Variants in DMRT1 observed in about 807,000 individuals in gnomAD.
DMRT1 encodes the protein doublesex and mab-3 related transcription factor 1, also known as doublesex- and mab-3-related transcription factor 1.
A neutral mutation model predicts 32.3 loss-of-function variants in DMRT1; 7 were observed. The ratio of observed to expected loss-of-function variants is 0.22; its 90% CI spans 0.12 to 0.41. The LOEUF (loss-of-function observed/expected upper bound fraction) is 0.41. DMRT1 is among the 10% of genes least tolerant of loss of function. The probability of loss-of-function intolerance (pLI) is 1.00; values close to 1 mark genes in which losing one functional copy is unlikely to be tolerated. For missense variants in DMRT1, 625 were observed against 500.5 expected (o/e 1.25, Z -2.37); for synonymous variants, 278 against 206.1 (o/e 1.35, Z -2.99).
chr9:968,130 G>GT lies in DMRT1; in HGVS notation c.1113_1114insT (p.Asp372Ter). 1 of 1,609,310 alleles carries GT rather than the reference G, an allele frequency of 6.2e-7. No individual in the cohort carries two copies. Among genetic ancestry groups the GT allele is most frequent in the Non-Finnish European group, 8.5e-7 (1 of 1,179,790 alleles). ...TCACAGTCACTCCCGTCATCGAGGA[G>GT]GACGAGTGAGCAGTGCCTGCTGCCG... On this transcript the variant is annotated frameshift_variant, in exon 5 of 5. Coordinates refer to ENST00000382276, the MANE Select transcript of DMRT1 (RefSeq NM_021951.3). LOFTEE classifies it high-confidence loss of function.
intron 2 of DMRT1, among the ~76,000 whole-genome samples, chr9:892,067 C>G (rs1817173060): frequency 6.6e-6 from 1 of 152,126 alleles, no homozygotes; most frequent in Non-Finnish European, 1.5e-5. Flanking sequence ...TTGCTCCTTG[C>G]TCTCTTGCAG....
At chr9:891,349 G>A (rs1333434417) in intron 2 of DMRT1, among the ~76,000 whole-genome samples, 1 of 151,974 alleles carries the variant, frequency 6.6e-6, no homozygotes, top group Non-Finnish European at 1.5e-5. Flanking sequence ...TACTTGGGCT[G>A]CTGAGGTGGG....
At chr9:948,150 T>C (rs1011888239) in intron 4 of DMRT1, among the ~76,000 whole-genome samples, 6 of 152,322 alleles carry the variant, frequency 3.9e-5, no homozygotes, top group Non-Finnish European at 5.9e-5. Flanking sequence ...TGCTGCTTTG[T>C]GCTTTGGGAA....
At chr9:935,858 C>T (rs1818869210) in intron 4 of DMRT1, among the ~76,000 whole-genome samples, 1 of 152,182 alleles carries the variant, frequency 6.6e-6, no homozygotes, top group Non-Finnish European at 1.5e-5. Context: ...ATGATTTGTT[C>T]ATTTTTTAAT....
chr9:897,732 G>A (rs1817427140), intron 3 of DMRT1, among the ~76,000 whole-genome samples: 1 of 152,024 alleles, frequency 6.6e-6, no homozygotes, highest in Non-Finnish European at 1.5e-5. Context: ...CACCGCGCCC[G>A]GCCTAAAAAA....
At chr9:863,578 G>C (rs1815824565) in intron 2 of DMRT1, among the ~76,000 whole-genome samples, 1 of 152,164 alleles carries the variant, frequency 6.6e-6, no homozygotes, top group Non-Finnish European at 1.5e-5. Flanking sequence ...GCTGAATTCT[G>C]CCATCTAACT....
intron 2 of DMRT1, among the ~76,000 whole-genome samples, chr9:887,161 T>C (rs893451423): frequency 2.6e-5 from 4 of 152,188 alleles, no homozygotes; most frequent in Admixed American, 2.0e-4. Flanking sequence ...ATCACGCCAC[T>C]GCACTCCAGC....
chr9:886,983 A>G (rs929933705), intron 2 of DMRT1, among the ~76,000 whole-genome samples: 7 of 152,214 alleles, frequency 4.6e-5, no homozygotes, highest in Non-Finnish European at 8.8e-5. Context: ...ACAAGCATCA[A>G]AAGGGAATCT....
chr9:909,363 GGT>G (rs1327420539), intron 3 of DMRT1, among the ~76,000 whole-genome samples: 1 of 152,094 alleles, frequency 6.6e-6, no homozygotes, highest in East Asian at 1.9e-4. Context: ...AAATGAATAA[GGT>G]GTGTATTTCA....
chr9:949,913 A>G (rs1001926503), intron 4 of DMRT1, among the ~76,000 whole-genome samples: 1 of 152,222 alleles, frequency 6.6e-6, no homozygotes, highest in African/African-American at 2.4e-5. Flanking sequence ...GCTGAATAAT[A>G]TTCCACTGTA....
chr9:893,153 C>T (rs1169417493), intron 2 of DMRT1, among the ~76,000 whole-genome samples: 2 of 152,216 alleles, frequency 1.3e-5, no homozygotes, highest in African/African-American at 4.8e-5. Context: ...GCAGACGTTT[C>T]AGGCACCCGG....
At chr9:903,340 A>G (rs955675413) in intron 3 of DMRT1, among the ~76,000 whole-genome samples, 1 of 150,778 alleles carries the variant, frequency 6.6e-6, no homozygotes, top group African/African-American at 2.4e-5. Flanking sequence ...CTAGGTGATC[A>G]CCTCACCTAC....
chr9:853,911 T>G (rs1815273920), intron 2 of DMRT1, among the ~76,000 whole-genome samples: 1 of 152,080 alleles, frequency 6.6e-6, no homozygotes, highest in Non-Finnish European at 1.5e-5. Flanking sequence ...TTCTCCCACC[T>G]CAGCCTCCCG....
intron 3 of DMRT1, among the ~76,000 whole-genome samples, chr9:901,280 G>T (rs1351838321): frequency 2.0e-5 from 3 of 152,116 alleles, no homozygotes; most frequent in Non-Finnish European, 4.4e-5. Flanking sequence ...GCCTCCCACA[G>T]TGCTGGGATT....
intron 3 of DMRT1, among the ~76,000 whole-genome samples, chr9:895,173 C>G (rs1817306615): frequency 6.6e-6 from 1 of 152,138 alleles, no homozygotes; most frequent in African/African-American, 2.4e-5. Flanking sequence ...TGGAGTAAAA[C>G]AAAGCATTTT....
At chr9:894,791 G>GTTT (rs1231759673) in intron 3 of DMRT1, 7 of 148,402 alleles carry the variant, frequency 4.7e-5, no homozygotes, top group East Asian at 2.0e-4. Flanking sequence ...CTCCAAGTTT[G>GTTT]TTTTTTTTTT....
intron 2 of DMRT1, among the ~76,000 whole-genome samples, chr9:869,499 T>A (rs1234647094): frequency 1.3e-5 from 2 of 152,226 alleles, no homozygotes; most frequent in East Asian, 3.8e-4. Flanking sequence ...CTAGTTGTTG[T>A]CTCTAGTGAA....
In DMRT1 at chr9:881,093, A is replaced by G. The variant is rs150675234; in HGVS notation, c.539-12819A>G. Among the ~76,000 whole-genome samples the G allele has an allele frequency of 7.9e-5, 12 of 151,582 alleles. No individual in the cohort carries two copies. The East Asian group carries it at 1.9e-3, about 24-fold the overall frequency. On this transcript the variant is annotated intron_variant, in intron 2 of 4. Transcript: ENST00000382276. ...AAGTGGTCTGGGGTGTGGCCTGATC[A>G]TGGGGAATTCTATAGACCCCCCCCA...
At chr9:859,144 A>G (rs780400266) in intron 2 of DMRT1, among the ~76,000 whole-genome samples, 22 of 152,088 alleles carry the variant, frequency 1.4e-4, no homozygotes, top group Non-Finnish European at 2.6e-4. Flanking sequence ...AGTTACGATG[A>G]TTCCTTTGAT....
Sources: gnomAD v4.1 joint callset for allele counts (sites outside exome capture counted in the v4.1 genomes callset) on GRCh38, gnomAD v4.1.1 for gene constraint, MANE v1.5 for transcripts, NCBI Gene and HGNC (gene_info 2026-07-23, HGNC 2026-07-21) for gene names.